The following LRMDA variants were observed in gnomAD, a reference collection of about 807,000 sequenced individuals.
LRMDA encodes the protein leucine-rich melanocyte differentiation-associated protein.
A neutral mutation model predicts 29.8 loss-of-function variants in LRMDA; 18 were observed. The observed-to-expected ratio is 0.60, with a 90% CI of 0.42 to 0.90. The LOEUF (loss-of-function observed/expected upper bound fraction) is 0.90, where lower values mean the gene tolerates loss of function less well. LRMDA is among the 40% of genes least tolerant of loss of function. The pLI, the probability that LRMDA is intolerant of heterozygous loss-of-function variation, is 0.00. For missense variants in LRMDA, 273 were observed against 273.9 expected, an observed-to-expected ratio of 1.00 and a Z score of 0.02; for synonymous variants, 125 against 109.4, an observed-to-expected ratio of 1.14 and a Z score of -0.89.
chr10:76,040,065 A>T (rs1034640244), intron 3 of LRMDA, among the ~76,000 whole-genome samples: 5 of 152,172 alleles, frequency 3.3e-5, no homozygotes, highest in Admixed American at 1.3e-4. Flanking sequence ...CTAGGAGTGG[A>T]TGAGCTCTCT....
At chr10:76,359,333 G>A (rs1236653006) in intron 6 of LRMDA, among the ~76,000 whole-genome samples, 1 of 152,148 alleles carries the variant, frequency 6.6e-6, no homozygotes, top group Non-Finnish European at 1.5e-5. Context: ...AAGACCCTTG[G>A]TAGGAGATGG....
At chr10:75,618,382 C>CTCTCTATATA (rs1338091170) in intron 2 of LRMDA, among the ~76,000 whole-genome samples, 9 of 77,036 alleles carry the variant, frequency 1.2e-4, no homozygotes, top group African/African-American at 3.7e-4. Flanking sequence ...CTCTCTCTCT[C>CTCTCTATATA]TATATATATA....
At chr10:76,121,622 A>G (rs192437762) in intron 5 of LRMDA, among the ~76,000 whole-genome samples, 1 of 152,292 alleles carries the variant, frequency 6.6e-6, no homozygotes, top group East Asian at 1.9e-4. Flanking sequence ...TCCCATGCCA[A>G]CTTGGTTTTT....
At chr10:76,040,781 G>GT (rs1430420146) in intron 3 of LRMDA, among the ~76,000 whole-genome samples, 2 of 152,236 alleles carry the variant, frequency 1.3e-5, no homozygotes, top group African/African-American at 2.4e-5. Context: ...TTTGGGGTGT[G>GT]TGGGGGGCAC....
chr10:75,812,730 G>A (rs1044999584), intron 2 of LRMDA, among the ~76,000 whole-genome samples: 1 of 152,168 alleles, frequency 6.6e-6, no homozygotes, highest in African/African-American at 2.4e-5. Flanking sequence ...CTGATTATCT[G>A]TGTAGTCTGT....
intron 2 of LRMDA, among the ~76,000 whole-genome samples, chr10:75,599,306 C>A (rs1000215835): frequency 2.6e-5 from 4 of 152,272 alleles, no homozygotes; most frequent in South Asian, 4.1e-4. Context: ...TGAAAAATGA[C>A]AATGCTGGCT....
At chr10:76,459,653 A>T (rs1842492405) in intron 6 of LRMDA, among the ~76,000 whole-genome samples, 1 of 152,136 alleles carries the variant, frequency 6.6e-6, no homozygotes, top group African/African-American at 2.4e-5. Flanking sequence ...CTTCCTACCA[A>T]TGTCAAGCAC....
intron 2 of LRMDA, among the ~76,000 whole-genome samples, chr10:75,538,591 G>T (rs1839980203): frequency 6.7e-6 from 1 of 149,192 alleles, no homozygotes; most frequent in Non-Finnish European, 1.5e-5. Flanking sequence ...GATGGGCATT[G>T]AGTAGTTTTG....
intron 5 of LRMDA, among the ~76,000 whole-genome samples, chr10:76,079,780 A>G (rs1849020928): frequency 6.6e-6 from 1 of 152,196 alleles, no homozygotes; most frequent in Non-Finnish European, 1.5e-5. Context: ...TTGTTCTTAA[A>G]AAGAATGCTC....
intron 2 of LRMDA, among the ~76,000 whole-genome samples, chr10:75,875,798 A>C (rs1008976710): frequency 6.6e-6 from 1 of 152,232 alleles, no homozygotes; most frequent in African/African-American, 2.4e-5. Flanking sequence ...TGGTGGTAAG[A>C]TATGAGGCCT....
intron 6 of LRMDA, among the ~76,000 whole-genome samples, chr10:76,514,699 A>G (rs2257964): frequency 0.78 from 118,360 of 151,948 alleles, 46,814 homozygotes; most frequent in Non-Finnish European, 0.86. Context: ...CCCAGATGTG[A>G]GGCTGGGGGA....
At chr10:76,321,658 G>A (rs1213696463) in intron 5 of LRMDA, among the ~76,000 whole-genome samples, 1 of 152,054 alleles carries the variant, frequency 6.6e-6, no homozygotes, top group Admixed American at 6.6e-5. Flanking sequence ...AGAAAATGTG[G>A]CAAGAGCCAG....
At chr10:76,029,210 C>T (rs1848110528) in intron 2 of LRMDA, among the ~76,000 whole-genome samples, 2 of 152,150 alleles carry the variant, frequency 1.3e-5, no homozygotes, top group African/African-American at 4.8e-5. Context: ...CCTTAATGCA[C>T]AGAATCTGCC....
intron 5 of LRMDA, among the ~76,000 whole-genome samples, chr10:76,163,678 T>C (rs899060891): frequency 6.6e-6 from 1 of 152,182 alleles, no homozygotes; most frequent in African/African-American, 2.4e-5. Flanking sequence ...TAATTAACTT[T>C]ACTGCTAATA....
intron 5 of LRMDA, among the ~76,000 whole-genome samples, chr10:76,072,592 G>A (rs1848892419): frequency 6.6e-6 from 1 of 152,172 alleles, no homozygotes; most frequent in Non-Finnish European, 1.5e-5. Context: ...AGAGATCAGT[G>A]TAAACATCAT....
chr10:75,550,422 C>A (rs1260654090), intron 2 of LRMDA, among the ~76,000 whole-genome samples: 2 of 152,118 alleles, frequency 1.3e-5, no homozygotes, highest in East Asian at 3.9e-4. Flanking sequence ...TGAACTGAGT[C>A]TTTGTTCCTA....
At chr10:75,931,575 A>T (rs1846205973) in intron 2 of LRMDA, among the ~76,000 whole-genome samples, 1 of 152,312 alleles carries the variant, frequency 6.6e-6, no homozygotes, top group South Asian at 2.1e-4. Context: ...TACTGATGTT[A>T]TAAGTCAAGG....
intron 6 of LRMDA, among the ~76,000 whole-genome samples, chr10:76,441,406 A>G (rs754063372): frequency 7.9e-5 from 12 of 152,158 alleles, no homozygotes; most frequent in Admixed American, 2.6e-4. Context: ...CTGACCTTCT[A>G]TGTGCCACGG....
intron 2 of LRMDA, among the ~76,000 whole-genome samples, chr10:75,885,707 T>C (rs1221401276): frequency 1.3e-5 from 2 of 152,240 alleles, no homozygotes; most frequent in East Asian, 3.9e-4. Flanking sequence ...TGGTGAATTG[T>C]GATGTTTAGT....
Sources: allele counts gnomAD v4.1 joint callset (sites outside exome capture counted in the v4.1 genomes callset), GRCh38; gene constraint gnomAD v4.1.1; transcripts MANE v1.5; gene names NCBI Gene and HGNC (gene_info 2026-07-23, HGNC 2026-07-21).